TRHDE: variants seen among roughly 807,000 people sequenced by gnomAD.
The protein encoded by TRHDE is thyrotropin releasing hormone degrading enzyme, also known as thyrotropin-releasing hormone-degrading ectoenzyme.
Under a neutral mutation model 125.7 loss-of-function variants are expected in TRHDE, and 72 were observed. That is an observed-to-expected ratio of 0.57 (90% CI 0.47 to 0.70). TRHDE has a LOEUF of 0.70. TRHDE is among the 30% of genes least tolerant of loss of function. The pLI is 0.00. For missense variants in TRHDE, 1,110 were observed against 1,327.1 expected, an observed-to-expected ratio of 0.84 and a Z score of 2.54; for synonymous variants, 509 against 509.1, an observed-to-expected ratio of 1.00 and a Z score of 0.00.
intron 6 of TRHDE, among the ~76,000 whole-genome samples, chr12:72,522,545 G>C (rs1868267599): frequency 6.6e-6 from 1 of 152,032 alleles, no homozygotes; most frequent in African/African-American, 2.4e-5. Flanking sequence ...AATGAGTTTT[G>C]ATTTTTTTTA....
rs530501050 is a variant in TRHDE, at chr12:72,260,486, C to A, written n.280-117509C>A. On this transcript the variant is annotated intron_variant and non_coding_transcript_variant, in intron 2 of 4. Coordinates refer to the TRHDE transcript ENST00000548156. ...CAATAGAGTGGCTCACTGGGAGCAA[C>A]TGGACACGGGAGCAACAATGCCTGA... 2.6e-5 allele frequency among the ~76,000 whole-genome samples: 4 copies of A among 152,188 alleles called. No homozygotes were observed. The South Asian group carries it at 6.2e-4, about 24-fold the overall frequency.
chr12:72,157,078 C>A (rs942132359), intron 2 of TRHDE, among the ~76,000 whole-genome samples: 3 of 151,454 alleles, frequency 2.0e-5, no homozygotes, highest in Non-Finnish European at 4.4e-5. Context: ...TTGTTCTGGG[C>A]AGAGGAAATG....
intron 10 of TRHDE, among the ~76,000 whole-genome samples, chr12:72,570,578 C>CA (rs572094533): frequency 0.1 from 5,905 of 58,152 alleles, 1,056 homozygotes; most frequent in Non-Finnish European, 0.14. Context: ...GAGACTGTCT[C>CA]AAAAAAAAAA....
intron 2 of TRHDE, among the ~76,000 whole-genome samples, chr12:72,297,750 A>G (rs1347069088): frequency 6.6e-6 from 1 of 152,198 alleles, no homozygotes; most frequent in East Asian, 1.9e-4. Context: ...CTGAGGGTGG[A>G]TGAGAGCAGA....
At chr12:72,432,938 T>C (rs1017618183) in intron 3 of TRHDE, among the ~76,000 whole-genome samples, 1 of 152,172 alleles carries the variant, frequency 6.6e-6, no homozygotes, top group South Asian at 2.1e-4. Flanking sequence ...GGTATATTGA[T>C]AGGTGGAGGT....
chr12:72,498,540 T>G (rs1878012568), intron 5 of TRHDE, among the ~76,000 whole-genome samples: 1 of 152,172 alleles, frequency 6.6e-6, no homozygotes, highest in African/African-American at 2.4e-5. Flanking sequence ...CTATTTAGCC[T>G]TCTTTATATT....
intron 2 of TRHDE, among the ~76,000 whole-genome samples, chr12:72,148,097 T>G (rs1210879851): frequency 1.3e-5 from 2 of 152,230 alleles, no homozygotes; most frequent in Non-Finnish European, 2.9e-5. Flanking sequence ...AATATTTGTA[T>G]TTTAGATGTG....
At chr12:72,295,910 G>A (rs920004354) in intron 2 of TRHDE, among the ~76,000 whole-genome samples, 1 of 152,094 alleles carries the variant, frequency 6.6e-6, no homozygotes, top group Non-Finnish European at 1.5e-5. Flanking sequence ...TAACAAAAGA[G>A]TTGGATTACA....
Position 72,575,468 on chromosome 12 carries a change from T to A in TRHDE, c.2266-19T>A. ...TTTTAATCCTAAATTATCCTATTAT[T>A]TTTTCTAATTGGCCTCAGGTTCTTT... On this transcript the variant is annotated intron_variant, in intron 11 of 18. Coordinates refer to ENST00000261180, the MANE Select transcript of TRHDE (RefSeq NM_013381.3). 6.2e-7 allele frequency: 1 copy of A among 1,613,564 alleles called. No homozygotes were observed. Among genetic ancestry groups the A allele is most frequent in the Non-Finnish European group, 8.5e-7 (1 of 1,179,686 alleles).
At chr12:72,094,826 G>T (rs1001608920) in intron 1 of TRHDE, among the ~76,000 whole-genome samples, 1 of 152,198 alleles carries the variant, frequency 6.6e-6, no homozygotes, top group African/African-American at 2.4e-5. Context: ...CCTGGGCATG[G>T]GTCTGCCCTT....
intron 3 of TRHDE, among the ~76,000 whole-genome samples, chr12:72,399,331 G>T (rs1417543918): frequency 6.6e-6 from 1 of 152,146 alleles, no homozygotes; most frequent in African/African-American, 2.4e-5. Context: ...TCATGAAATT[G>T]AGTTTGCAAG....
chr12:72,216,394 T>A (rs565097642), intron 2 of TRHDE, among the ~76,000 whole-genome samples: 5 of 152,310 alleles, frequency 3.3e-5, no homozygotes, highest in African/African-American at 1.2e-4. Flanking sequence ...ACTATTTGTT[T>A]ACAGAAGTCT....
chr12:72,398,929 AC>A (rs2135800467), intron 3 of TRHDE, among the ~76,000 whole-genome samples: 1 of 152,212 alleles, frequency 6.6e-6, no homozygotes, highest in South Asian at 2.1e-4. Context: ...GGGTTCCCCA[AC>A]CCCCAGGCTG....
chr12:72,516,558 G>T (rs1187067371), intron 6 of TRHDE, among the ~76,000 whole-genome samples: 1 of 152,118 alleles, frequency 6.6e-6, no homozygotes, highest in Non-Finnish European at 1.5e-5. Flanking sequence ...AGACAATGGG[G>T]TTTTCTAGAT....
intron 12 of TRHDE, among the ~76,000 whole-genome samples, chr12:72,604,804 A>T (rs1017509434): frequency 6.6e-6 from 1 of 152,116 alleles, no homozygotes; most frequent in Non-Finnish European, 1.5e-5. Flanking sequence ...ATTTTCAGAC[A>T]GTAAGCATGA....
intron 6 of TRHDE, among the ~76,000 whole-genome samples, chr12:72,519,682 G>T (rs1879079076): frequency 6.6e-6 from 1 of 152,194 alleles, no homozygotes; most frequent in South Asian, 2.1e-4. Context: ...TTCCATTGCT[G>T]GTGAGGAACT....
chr12:72,213,235 T>G (rs909673102), intron 2 of TRHDE, among the ~76,000 whole-genome samples: 1 of 151,942 alleles, frequency 6.6e-6, no homozygotes, highest in Admixed American at 6.6e-5. Flanking sequence ...TTGGTTGCTT[T>G]TAGCGGGACA....
chr12:72,621,175 G>C lies in TRHDE; in HGVS notation c.2537G>C (p.Gly846Ala), dbSNP rs773464982. ...KLGWPKNNFN[G>A]SLVQASYQHE... Reference sequence around the variant, plus strand: ...GGGTGGCCGAAAAATAATTTTAATGGATCTCTTGTTCAAGCATCCTACCAA... The same window carrying C: ...GGGTGGCCGAAAAATAATTTTAATGCATCTCTTGTTCAAGCATCCTACCAA... Residue 846 changes from glycine to alanine, a missense_variant, in exon 14 of 19, where the codon GGA becomes GCA. By Grantham distance (60) the Gly-to-Ala change is moderately conservative. Around this residue, in one of 5 missense-constraint regions of TRHDE, gnomAD observed 527 missense variants for 651.8 expected, o/e 0.81. Transcript: ENST00000261180. 3.9e-5 allele frequency: 63 copies of C among 1,611,854 alleles called. No homozygotes were observed. Among genetic ancestry groups the C allele is most frequent in the Admixed American group, 6.7e-5 (4 of 59,808 alleles).
intron 2 of TRHDE, among the ~76,000 whole-genome samples, chr12:72,180,532 C>A (rs1461288464): frequency 6.6e-6 from 1 of 151,902 alleles, no homozygotes; most frequent in Non-Finnish European, 1.5e-5. Flanking sequence ...CATTTTAGAC[C>A]CTTGAGTTTA....
Sources: allele counts gnomAD v4.1 joint callset (sites outside exome capture counted in the v4.1 genomes callset), GRCh38; gene constraint gnomAD v4.1.1; regional missense constraint gnomAD v4.1.1; transcripts MANE v1.5; gene names NCBI Gene and HGNC (gene_info 2026-07-23, HGNC 2026-07-21).